Variants in MIA2 observed in about 807,000 individuals in gnomAD.
MIA2 encodes the protein melanoma inhibitory activity protein 2.
MIA2 carries 127 observed loss-of-function variants against 167.8 expected under a neutral mutation model. The ratio of observed to expected loss-of-function variants is 0.76; its 90% CI spans 0.66 to 0.88. MIA2 has a LOEUF of 0.88. Among genes scored for constraint, MIA2 ranks in the 40% least tolerant of loss-of-function variants. MIA2 has a pLI of 0.00. For missense variants in MIA2, 1,690 were observed against 1,624.7 expected (o/e 1.04, Z -0.69); for synonymous variants, 552 against 541.9 (o/e 1.02, Z -0.26).
Position 39,234,091 on chromosome 14 carries a change from G to T in MIA2, c.-24G>T. 6.7e-7 allele frequency: 1 copy of T among 1,491,256 alleles called. No homozygotes were observed. Among genetic ancestry groups the T allele is most frequent in the Non-Finnish European group, 9.3e-7 (1 of 1,079,734 alleles). The allele number at this position is 1,491,256 out of a possible 1,614,324, so 92.4% of individuals were successfully genotyped here. A position where few individuals can be genotyped will look rare whatever the true frequency, so the allele number is the denominator to read the frequency against. ...GAACAATTGGCTTAAACTTCACTTG[G>T]GATTCCCGGTTGCTTGTTTTAGCAT... On this transcript the variant is annotated 5_prime_UTR_variant, in exon 1 of 29. Coordinates refer to ENST00000640607, the MANE Select transcript of MIA2 (RefSeq NM_001329214.4).
intron 18 of MIA2, among the ~76,000 whole-genome samples, chr14:39,309,423 A>T (rs1384311192): frequency 6.6e-6 from 1 of 151,870 alleles, no homozygotes; most frequent in African/African-American, 2.4e-5. Flanking sequence ...TCCTCTCAGT[A>T]CCCTCCATCC....
At chr14:39,307,543 A>G (rs2152913776) in intron 17 of MIA2, among the ~76,000 whole-genome samples, 1 of 151,898 alleles carries the variant, frequency 6.6e-6, no homozygotes, top group Non-Finnish European at 1.5e-5. Context: ...CTGGGATTGC[A>G]GGCACGCCCC....
At position 39,234,238 on chromosome 14, in the gene MIA2, G is replaced by C; in HGVS notation, c.115+9G>C. 6.5e-7 allele frequency: 1 copy of C among 1,528,228 alleles called. No homozygotes were observed. The highest frequency in any genetic ancestry group is 1.4e-5 in the African/African-American group (1 of 72,488). The allele number at this position is 1,528,228 out of a possible 1,614,324, so 94.7% of individuals were successfully genotyped here. ...TGACTTGGAATGTGAAGGTAAGTTT[G>C]CTTCCCCCGCTTCTTCTCCTCCTAA... On this transcript the variant is annotated intron_variant, in intron 1 of 28. Transcript: ENST00000640607.
Position 39,247,132 on chromosome 14 carries a change from T to C in MIA2, c.558T>C (p.Asp186=). 1 of 1,613,932 alleles carries C rather than the reference T, an allele frequency of 6.2e-7. No homozygotes were observed. The highest frequency in any genetic ancestry group is 1.6e-4 in the Middle Eastern group (1 of 6,062). The change falls in exon 4 of 29, where the codon GAT becomes GAC. Residue 186 remains aspartate (D), a synonymous_variant. Transcript: ENST00000640607. ...TTCCAGCATTAGAGGCTCCTGAAGA[T>C]ATCGGAAGTACCAGTGAATCAAAAG... ...DQVPALEAPE[D]IGSTSESKDW...
At chr14:39,321,975 A>T (rs1408354744) in intron 24 of MIA2, among the ~76,000 whole-genome samples, 1 of 150,800 alleles carries the variant, frequency 6.6e-6, no homozygotes, top group Non-Finnish European at 1.5e-5. Flanking sequence ...GTTTTGCCAC[A>T]TTGGCTGGCC....
At chr14:39,332,195 T>C (rs2069064563) in intron 25 of MIA2, among the ~76,000 whole-genome samples, 1 of 152,224 alleles carries the variant, frequency 6.6e-6, no homozygotes, top group African/African-American at 2.4e-5. Context: ...TAAGTTAGTG[T>C]TCAATCTCTG....
chr14:39,314,832 GTGTGTA>G lies in MIA2; in HGVS notation c.3180+35_3180+40del, dbSNP rs749529685. The stretch of plus-strand genomic sequence containing the variant: ...TATATGTGTGTGTGTGTGTGTGTGT[GTGTGTA>G]TATATATATAATTTAAAACAATTCT... On this transcript the variant is annotated intron_variant, in intron 20 of 28. Transcript: ENST00000640607. The G allele has an allele frequency of 4.8e-5, 61 of 1,277,140 alleles. 1 individual carries two copies. The highest frequency in any genetic ancestry group is 7.6e-5 in the African/African-American group (5 of 66,026). The allele number at this position is 1,277,140 out of a possible 1,614,324, so 79.1% of individuals were successfully genotyped here.
At chr14:39,263,942 T>G (rs2055283088) in intron 6 of MIA2, among the ~76,000 whole-genome samples, 1 of 152,104 alleles carries the variant, frequency 6.6e-6, no homozygotes, top group Admixed American at 6.5e-5. Context: ...GCCCTTCCTT[T>G]CTTTCTTATT....
intron 6 of MIA2, among the ~76,000 whole-genome samples, chr14:39,274,456 T>C (rs1566665476): frequency 6.8e-6 from 1 of 147,124 alleles, no homozygotes; most frequent in East Asian, 2.0e-4. Flanking sequence ...TGAGATGGAG[T>C]CTCACTCTGT....
At chr14:39,307,567 A>C (rs923129426) in intron 17 of MIA2, among the ~76,000 whole-genome samples, 13 of 151,716 alleles carry the variant, frequency 8.6e-5, no homozygotes, top group Non-Finnish European at 2.9e-5. Context: ...ACGCCTGACT[A>C]ATTTTTGTAT....
At chr14:39,236,258 T>C (rs2053741736) in intron 1 of MIA2, among the ~76,000 whole-genome samples, 1 of 152,136 alleles carries the variant, frequency 6.6e-6, no homozygotes, top group Admixed American at 6.5e-5. Flanking sequence ...CGCAGTAGGC[T>C]GGAATAATCA....
chr14:39,245,484 G>A (rs1485713295), intron 3 of MIA2, among the ~76,000 whole-genome samples: 1 of 152,154 alleles, frequency 6.6e-6, no homozygotes, highest in East Asian at 1.9e-4. Context: ...CAGCCTGTAA[G>A]CTGCAGGTTG....
chr14:39,286,550 T>C (rs2059819176), intron 9 of MIA2, among the ~76,000 whole-genome samples: 1 of 152,222 alleles, frequency 6.6e-6, no homozygotes, highest in Admixed American at 6.5e-5. Context: ...TCCTGCATCT[T>C]TACTGAATTC....
chr14:39,293,499 G>A (rs2061004781), intron 11 of MIA2, 118 bp downstream of exon 11: 3 of 670,782 alleles, frequency 4.5e-6, no homozygotes, highest in Non-Finnish European at 7.2e-6. Flanking sequence ...AATACAGGTG[G>A]TTGTAGAGAG....
Position 39,288,446 on chromosome 14 carries a change from TATATATATATATATATATATATATA to T in MIA2, c.2131-2572_2131-2548del, listed in dbSNP as rs1566746477. Among the ~76,000 whole-genome samples the T allele has an allele frequency of 2.9e-3, 80 of 28,070 alleles. 1 individual carries two copies. The highest frequency in any genetic ancestry group is 5.2e-3 in the South Asian group (5 of 960). The allele number at this position is 28,070 out of a possible 152,430, so 18.4% of individuals were successfully genotyped here. ...TATATATTATACATATATATATATATATATATATATATATATATATATATATATATTTTTTTTTTTTTTTTTGAGA... is the reference window on the plus strand; with the variant it reads ...TATATATTATACATATATATATATATTATATTTTTTTTTTTTTTTTTGAGA... On this transcript the variant is annotated intron_variant, in intron 9 of 28. Transcript: ENST00000640607.
chr14:39,267,623 A>C (rs2056152959), intron 6 of MIA2: 1 of 1,396,396 alleles, frequency 7.2e-7, no homozygotes, highest in Non-Finnish European at 9.7e-7. Context: ...CGCCGTGGTC[A>C]GAGGTCCCGA....
chr14:39,356,808 T>C lies in MIA2; in HGVS notation c.2248+7831T>C, dbSNP rs555924549. Among the ~76,000 whole-genome samples the C allele has an allele frequency of 3.2e-4, 48 of 152,368 alleles. No individual in the cohort carries two copies. The South Asian group carries it at 9.9e-3, about 32-fold the overall frequency. The stretch of plus-strand genomic sequence containing the variant: ...TTATTTCTGCCTTTATTTCGTTATG[T>C]ACCCAGTAGTCATTCAGGAGGAGGT... On this transcript the variant is annotated intron_variant, in intron 23 of 23. Transcript: ENST00000341502.
intron 6 of MIA2, chr14:39,269,074 GTTTTTTTTTTTTT>G (rs3065036): frequency 2.2e-5 from 13 of 583,232 alleles, no homozygotes; most frequent in African/African-American, 2.8e-5. Flanking sequence ...CACCTGCACA[GTTTTTTTTTTTTT>G]TTTTTTTTTT....
At chr14:39,315,804 TAAATA>T in intron 21 of MIA2, 86 bp downstream of exon 21, 1 of 867,272 alleles carries the variant, frequency 1.2e-6, no homozygotes, top group African/African-American at 1.7e-5. Context: ...TAGATGAAAA[TAAATA>T]TAGTATTCTA....
Sources: gnomAD v4.1 joint callset for allele counts (sites outside exome capture counted in the v4.1 genomes callset) on GRCh38, gnomAD v4.1.1 for gene constraint, MANE v1.5 for transcripts, NCBI Gene and HGNC (gene_info 2026-07-23, HGNC 2026-07-21) for gene names.